The following NAV2 variants were observed in gnomAD, a reference collection of about 807,000 sequenced individuals.
NAV2 encodes helicase, APC down-regulated 1.
Under a neutral mutation model 223.2 loss-of-function variants are expected in NAV2, and 54 were observed. That is an observed-to-expected ratio of 0.24 (90% CI 0.19 to 0.30). The LOEUF (loss-of-function observed/expected upper bound fraction) is 0.30, where lower values mean the gene tolerates loss of function less well. Ranked by LOEUF, NAV2 falls within the 10% of genes least tolerant of loss-of-function variation. The pLI is 1.00. For synonymous variants in NAV2, 1,279 were observed against 1,239.3 expected, an observed-to-expected ratio of 1.03 and a Z score of -0.67; for missense variants, 2,806 against 3,147.5, an observed-to-expected ratio of 0.89 and a Z score of 2.60.
At chr11:20,089,133 C>T (rs1399414736) in intron 26 of NAV2, among the ~76,000 whole-genome samples, 1 of 152,150 alleles carries the variant, frequency 6.6e-6, no homozygotes, top group African/African-American at 2.4e-5. Context: ...CCTTTTAGTC[C>T]TGAATCTATT....
rs1488084760 is a variant in NAV2 at position 19,998,427 on chromosome 11, C to T, written c.2768+14180C>T. ...GGGCCTTCATGCGGTACGTTCTCCA[C>T]CCAGAAGCTATTGTAACCTTAACAT... On this transcript the variant is annotated intron_variant, in intron 11 of 37. Transcript: ENST00000349880. The surrounding 1 kb of genome is among the most constrained non-coding windows in gnomAD (Gnocchi z 5.0). 1.3e-5 allele frequency among the ~76,000 whole-genome samples: 2 copies of T among 152,148 alleles called. No homozygotes were observed. Among genetic ancestry groups the T allele is most frequent in the Admixed American group, 6.6e-5 (1 of 15,260 alleles).
At chr11:19,765,466 T>C (rs973827598) in intron 1 of NAV2, among the ~76,000 whole-genome samples, 145 of 136,888 alleles carry the variant, frequency 1.1e-3, no homozygotes, top group Non-Finnish European at 4.7e-4. Flanking sequence ...CCCCTTCCCC[T>C]CCCTCTGTCT....
At chr11:19,900,084 C>T (rs1484813858) in intron 6 of NAV2, among the ~76,000 whole-genome samples, 2 of 152,086 alleles carry the variant, frequency 1.3e-5, no homozygotes, top group African/African-American at 4.8e-5. Context: ...AGCTAGTACC[C>T]ATAGTTGTCA....
chr11:19,859,203 G>C (rs59870765), intron 3 of NAV2, among the ~76,000 whole-genome samples: 124 of 137,402 alleles, frequency 9.0e-4, no homozygotes, highest in African/African-American at 3.1e-3. Flanking sequence ...GATTTGGCAG[G>C]GTCACAGGAC....
intron 1 of NAV2, among the ~76,000 whole-genome samples, chr11:19,529,062 GCACACA>G (rs150148924): frequency 6.6e-6 from 1 of 150,698 alleles, no homozygotes; most frequent in East Asian, 1.9e-4. Context: ...GCACGTGCGT[GCACACA>G]CACACACACA....
intron 1 of NAV2, among the ~76,000 whole-genome samples, chr11:19,740,626 C>T (rs1254856256): frequency 6.6e-6 from 1 of 152,122 alleles, no homozygotes; most frequent in Non-Finnish European, 1.5e-5. Context: ...AGGAGATTTA[C>T]TGATATTTTG....
chr11:19,859,752 G>C (rs1193402696), intron 3 of NAV2, among the ~76,000 whole-genome samples: 6 of 150,956 alleles, frequency 4.0e-5, no homozygotes, highest in African/African-American at 1.5e-4. Flanking sequence ...CGGACCGGGC[G>C]GCTGGCCGGG....
intron 1 of NAV2, among the ~76,000 whole-genome samples, chr11:19,661,169 G>A (rs2048272288): frequency 6.6e-6 from 1 of 152,140 alleles, no homozygotes; most frequent in African/African-American, 2.4e-5. Context: ...TGGTACTCTA[G>A]GTACCTCACA....
At chr11:20,006,109 C>T (rs956867747) in intron 11 of NAV2, among the ~76,000 whole-genome samples, 4 of 152,084 alleles carry the variant, frequency 2.6e-5, no homozygotes, top group African/African-American at 9.7e-5. Context: ...CTGTATATCC[C>T]CGACATTACA....
intron 1 of NAV2, among the ~76,000 whole-genome samples, chr11:19,497,792 C>A (rs1285201796): frequency 6.6e-6 from 1 of 152,112 alleles, no homozygotes; most frequent in Non-Finnish European, 1.5e-5. Flanking sequence ...CTTCCAAGCA[C>A]ACATCAACCA....
At chr11:19,487,741 AT>A (rs2042491663) in intron 1 of NAV2, among the ~76,000 whole-genome samples, 1 of 152,166 alleles carries the variant, frequency 6.6e-6, no homozygotes. Flanking sequence ...AATTTTTCCC[AT>A]TAAACTTTGA....
chr11:19,581,398 T>A (rs532179066), intron 1 of NAV2, among the ~76,000 whole-genome samples: 7 of 152,304 alleles, frequency 4.6e-5, no homozygotes, highest in Admixed American at 4.6e-4. Context: ...ACTTTAAGTT[T>A]TAGGGTACAT....
chr11:20,111,748 A>G (rs1317707178), intron 36 of NAV2, among the ~76,000 whole-genome samples: 3 of 152,224 alleles, frequency 2.0e-5, no homozygotes, highest in African/African-American at 7.2e-5. Flanking sequence ...GACCCCAGAC[A>G]GGTCTCCCGT....
chr11:19,723,046 A>T (rs924533295), intron 1 of NAV2, among the ~76,000 whole-genome samples: 1 of 152,202 alleles, frequency 6.6e-6, no homozygotes, highest in Non-Finnish European at 1.5e-5. Context: ...AGAGGGAGAT[A>T]ACACCATGGG....
chr11:20,098,782 C>CA (rs2061445632), intron 31 of NAV2, among the ~76,000 whole-genome samples: 2 of 152,268 alleles, frequency 1.3e-5, no homozygotes, highest in South Asian at 4.2e-4. Context: ...GTAGCTGTAA[C>CA]AAAAAAGGAA....
At chr11:19,969,208 T>C (rs1423705149) in intron 10 of NAV2, among the ~76,000 whole-genome samples, 1 of 152,186 alleles carries the variant, frequency 6.6e-6, no homozygotes, top group Admixed American at 6.5e-5. Flanking sequence ...TCAAATACAA[T>C]GGGAAATTTG....
intron 5 of NAV2, among the ~76,000 whole-genome samples, chr11:19,885,251 A>G (rs1254846120): frequency 6.6e-6 from 1 of 152,244 alleles, no homozygotes; most frequent in Non-Finnish European, 1.5e-5. Flanking sequence ...ATTGTGCCCA[A>G]GGCCACACAC....
In NAV2 at chr11:19,607,611, C is replaced by T. The variant is rs79418925; in HGVS notation, c.76-224873C>T. On this transcript the variant is annotated intron_variant, in intron 1 of 37. Transcript: ENST00000360655. ...AGCAGTTACTTCTTGCACACTGTCT[C>T]CACTCATGGCTCAGCTCTTTTCCTT... Among the ~76,000 whole-genome samples, 631 of 152,340 alleles carry T rather than the reference C, an allele frequency of 4.1e-3. 2 individuals carry two copies. The highest frequency in any genetic ancestry group is 0.014 in the African/African-American group (601 of 41,584).
intron 1 of NAV2, among the ~76,000 whole-genome samples, chr11:19,390,557 A>G (rs1332641316): frequency 6.6e-6 from 1 of 152,210 alleles, no homozygotes; most frequent in African/African-American, 2.4e-5. Context: ...AAATAAATAA[A>G]TCATAAAGTT....
Sources: allele counts gnomAD v4.1 joint callset (sites outside exome capture counted in the v4.1 genomes callset), GRCh38; gene constraint gnomAD v4.1.1; non-coding constraint Gnocchi (gnomAD v3.1); transcripts MANE v1.5; gene names NCBI Gene and HGNC (gene_info 2026-07-23, HGNC 2026-07-21).